GMPS: variants seen among roughly 807,000 people sequenced by gnomAD.
The protein encoded by GMPS is guanosine monophosphate synthase.
A neutral mutation model predicts 77.9 loss-of-function variants in GMPS; 15 were observed. That is an observed-to-expected ratio of 0.19 (90% CI 0.13 to 0.30). GMPS has a LOEUF of 0.30. GMPS is among the 10% of genes least tolerant of loss of function. GMPS has a pLI of 1.00. For missense variants in GMPS, 590 were observed against 838.8 expected (o/e 0.70, Z 3.66); for synonymous variants, 224 against 275.9 (o/e 0.81, Z 1.86).
intron 5 of GMPS, among the ~76,000 whole-genome samples, chr3:155,907,349 C>T (rs997113775): frequency 6.6e-6 from 1 of 152,064 alleles, no homozygotes; most frequent in African/African-American, 2.4e-5. Flanking sequence ...CCTTGGGAGA[C>T]TGGAAAGTGG....
chr3:155,871,022 G>T (rs1753891700), intron 1 of GMPS, 125 bp downstream of exon 1: 2 of 862,220 alleles, frequency 2.3e-6, no homozygotes, highest in Non-Finnish European at 3.2e-6. Flanking sequence ...CTGCGCCCCG[G>T]GCAGCCACGC....
chr3:155,909,602 T>C (rs1322555452), intron 5 of GMPS, among the ~76,000 whole-genome samples: 1 of 152,228 alleles, frequency 6.6e-6, no homozygotes, highest in Non-Finnish European at 1.5e-5. Context: ...CTTTGTTATG[T>C]ATTTCCTATT....
At chr3:155,927,351 T>C (rs1358227487) in intron 12 of GMPS, among the ~76,000 whole-genome samples, 1 of 152,224 alleles carries the variant, frequency 6.6e-6, no homozygotes, top group Non-Finnish European at 1.5e-5. Flanking sequence ...AGTAGATTTG[T>C]TATAGAGAAC....
chr3:155,922,890 C>T (rs903691036), intron 11 of GMPS, among the ~76,000 whole-genome samples: 1 of 152,110 alleles, frequency 6.6e-6, no homozygotes, highest in Non-Finnish European at 1.5e-5. Flanking sequence ...TAAAGTGGAT[C>T]TGGGTTGGTA....
chr3:155,900,713 A>G (rs935367224), intron 3 of GMPS, among the ~76,000 whole-genome samples: 1 of 152,202 alleles, frequency 6.6e-6, no homozygotes, highest in African/African-American at 2.4e-5. Context: ...TGTTAAATGC[A>G]TAACAATTTT....
chr3:155,926,214 T>C (rs1290734302), intron 12 of GMPS, among the ~76,000 whole-genome samples: 1 of 152,152 alleles, frequency 6.6e-6, no homozygotes, highest in Non-Finnish European at 1.5e-5. Flanking sequence ...GGTCTCCCTG[T>C]GTTGCTCAGG....
Position 155,936,471 on chromosome 3 carries a change from T to A in GMPS, c.1941T>A (p.Thr647=). 1 of 1,608,348 alleles carries A rather than the reference T, an allele frequency of 6.2e-7. No individual in the cohort carries two copies. Among genetic ancestry groups the A allele is most frequent in the Non-Finnish European group, 8.5e-7 (1 of 1,174,748 alleles). ...IRTFITSDFM[T]GIPATPGNEI... ...CCTTTATTACTAGTGACTTCATGAC[T>A]GGTATACCTGCAACACCTGGCAATG... The change falls in exon 15 of 16, where the codon ACT becomes ACA. Residue 647 remains threonine, a synonymous_variant. Coordinates refer to ENST00000496455, the MANE Select transcript of GMPS (RefSeq NM_003875.3).
Position 155,911,098 on chromosome 3 carries a change from T to A in GMPS, c.721-16T>A. The A allele has an allele frequency of 6.4e-7, 1 of 1,571,364 alleles. No individual in the cohort carries two copies. Among genetic ancestry groups the A allele is most frequent in the Non-Finnish European group, 8.6e-7 (1 of 1,158,770 alleles). ...TGCTTGTTTTGCTCATTTTGATTTT[T>A]CATTTTACCCCGTAGGTTTTACTCA... On this transcript the variant is annotated splice_polypyrimidine_tract_variant and intron_variant, in intron 6 of 15. Transcript: ENST00000496455.
At chr3:155,905,578 A>AG (rs1754856529) in intron 4 of GMPS, among the ~76,000 whole-genome samples, 1 of 152,200 alleles carries the variant, frequency 6.6e-6, no homozygotes, top group Non-Finnish European at 1.5e-5. Context: ...GGGAAACAGA[A>AG]TCATTAGTGT....
chr3:155,938,637 G>A lies in GMPS; in HGVS notation c.*945G>A, dbSNP rs1254087060. On this transcript the variant is annotated 3_prime_UTR_variant, in exon 16 of 16. Coordinates refer to ENST00000496455, the MANE Select transcript of GMPS (RefSeq NM_003875.3). ...AGCTTACAAAAGGGAGAGGAAAAAT[G>A]TTTATATCATCTAGTAAACAGTTGT... 2.5e-5 allele frequency: 5 copies of A among 201,876 alleles called. No individual in the cohort carries two copies. Among genetic ancestry groups the A allele is most frequent in the African/African-American group, 6.9e-5 (3 of 43,626 alleles). The allele number at this position is 201,876 out of a possible 1,614,324, so 12.5% of individuals were successfully genotyped here.
At chr3:155,884,948 A>G (rs1229454855) in intron 1 of GMPS, among the ~76,000 whole-genome samples, 1 of 152,198 alleles carries the variant, frequency 6.6e-6, no homozygotes, top group East Asian at 1.9e-4. Flanking sequence ...CCCCTTGTAG[A>G]TAGGGTAGAA....
At chr3:155,873,256 A>AT (rs1472768683) in intron 1 of GMPS, among the ~76,000 whole-genome samples, 1 of 152,002 alleles carries the variant, frequency 6.6e-6, no homozygotes, top group Non-Finnish European at 1.5e-5. Flanking sequence ...TATTTTAATT[A>AT]TTTTTTATAC....
At chr3:155,899,415 T>G (rs1377991493) in intron 3 of GMPS, among the ~76,000 whole-genome samples, 2 of 145,724 alleles carry the variant, frequency 1.4e-5, no homozygotes, top group Non-Finnish European at 3.0e-5. Flanking sequence ...GATCTTGAGA[T>G]AAGATACTCT....
At chr3:155,883,352 G>A (rs1477032826) in intron 1 of GMPS, among the ~76,000 whole-genome samples, 1 of 152,080 alleles carries the variant, frequency 6.6e-6, no homozygotes, top group Non-Finnish European at 1.5e-5. Flanking sequence ...TAGGATTACA[G>A]GCATGAGCCA....
intron 1 of GMPS, among the ~76,000 whole-genome samples, chr3:155,887,746 A>C (rs753862270): frequency 1.8e-4 from 27 of 152,172 alleles, no homozygotes; most frequent in Admixed American, 5.2e-4. Context: ...TAGGAGATGC[A>C]TGCTGAAAAG....
intron 8 of GMPS, 64 bp from the exon 9 acceptor site, chr3:155,915,955 T>C: frequency 9.6e-7 from 1 of 1,047,084 alleles, no homozygotes; most frequent in Non-Finnish European, 1.4e-6. Flanking sequence ...TAGCTGAAAG[T>C]ATAAACTTTT....
In GMPS at chr3:155,876,431, A is replaced by G. The variant is rs1237919607; in HGVS notation, c.27+5534A>G. ...ATTCAGACTGAACGAGAAGTTAAAA[A>G]TGAGAACTGTTTACTATGCTTGCAA... On this transcript the variant is annotated intron_variant, in intron 1 of 15. Transcript: ENST00000496455. Among the ~76,000 whole-genome samples, 4 of 152,272 alleles carry G rather than the reference A, an allele frequency of 2.6e-5. No homozygotes were observed. The East Asian group carries it at 7.7e-4, about 29-fold the overall frequency.
rs1326324484 is a variant in GMPS at position 155,942,026 on chromosome 3, A to G, written c.*4334A>G. On this transcript the variant is annotated 3_prime_UTR_variant, in exon 16 of 16. Transcript: ENST00000496455. Reference sequence around the variant, plus strand: ...TACATAACCTGAGGAGTTAAAAAATACAATAACCAGATGTCCAATTAAATA... The same window carrying G: ...TACATAACCTGAGGAGTTAAAAAATGCAATAACCAGATGTCCAATTAAATA... 2.4e-5 allele frequency: 5 copies of G among 205,442 alleles called. No individual in the cohort carries two copies. The highest frequency in any genetic ancestry group is 4.0e-5 in the Non-Finnish European group (4 of 100,680). The allele number at this position is 205,442 out of a possible 1,614,324, so 12.7% of individuals were successfully genotyped here.
At chr3:155,875,795 A>T (rs924951276) in intron 1 of GMPS, among the ~76,000 whole-genome samples, 1 of 152,182 alleles carries the variant, frequency 6.6e-6, no homozygotes. Flanking sequence ...TTGCTTTATT[A>T]TAGTAAAAAC....
Sources: allele counts gnomAD v4.1 joint callset (sites outside exome capture counted in the v4.1 genomes callset), GRCh38; gene constraint gnomAD v4.1.1; transcripts MANE v1.5; gene names NCBI Gene and HGNC (gene_info 2026-07-23, HGNC 2026-07-21).